The following FHIP1A variants were observed in gnomAD, a reference collection of about 807,000 sequenced individuals.
The protein encoded by FHIP1A is FHF complex subunit HOOK-interacting protein 1A.
Under a neutral mutation model 88.6 loss-of-function variants are expected in FHIP1A, and 61 were observed. The ratio of observed to expected loss-of-function variants is 0.69; its 90% CI spans 0.56 to 0.85. The LOEUF (loss-of-function observed/expected upper bound fraction) is 0.85, where lower values mean the gene tolerates loss of function less well. Ranked by LOEUF, FHIP1A falls within the 40% of genes least tolerant of loss-of-function variation. The probability of loss-of-function intolerance (pLI) is 0.00; values close to 1 mark genes in which losing one functional copy is unlikely to be tolerated. For synonymous variants in FHIP1A, 478 were observed against 496.0 expected, an observed-to-expected ratio of 0.96 and a Z score of 0.48; for missense variants, 1,154 against 1,273.5, an observed-to-expected ratio of 0.91 and a Z score of 1.43.
At chr4:151,494,038 C>G (rs1730376943) in intron 3 of FHIP1A, among the ~76,000 whole-genome samples, 1 of 152,184 alleles carries the variant, frequency 6.6e-6, no homozygotes, top group South Asian at 2.1e-4. Context: ...CAAATTGTCC[C>G]TGTTTACTGA....
At chr4:151,415,549 C>T (rs1732859880) in intron 1 of FHIP1A, among the ~76,000 whole-genome samples, 2 of 152,190 alleles carry the variant, frequency 1.3e-5, no homozygotes, top group Admixed American at 1.3e-4. Flanking sequence ...ATATTAAGAA[C>T]AGTGCTTCAG....
intron 9 of FHIP1A, among the ~76,000 whole-genome samples, chr4:151,644,690 T>G (rs1736721212): frequency 6.6e-6 from 1 of 152,082 alleles, no homozygotes; most frequent in Non-Finnish European, 1.5e-5. Context: ...TGAACAAATC[T>G]CCCACCACGG....
At chr4:151,562,350 A>C (rs912755203) in intron 3 of FHIP1A, among the ~76,000 whole-genome samples, 8 of 152,122 alleles carry the variant, frequency 5.3e-5, no homozygotes, top group African/African-American at 1.9e-4. Context: ...TTGGAAACTC[A>C]CTGTGAAAGA....
chr4:151,493,204 T>C (rs1317253592), intron 3 of FHIP1A, among the ~76,000 whole-genome samples: 1 of 152,154 alleles, frequency 6.6e-6, no homozygotes, highest in Non-Finnish European at 1.5e-5. Flanking sequence ...AACACCTTTA[T>C]GGCTACAGAC....
chr4:151,566,999 T>C (rs1311324704), intron 4 of FHIP1A, among the ~76,000 whole-genome samples: 2 of 152,248 alleles, frequency 1.3e-5, no homozygotes, highest in East Asian at 3.9e-4. Context: ...GGGCTGGTGG[T>C]CCCTGTGTAA....
At chr4:151,547,056 G>C (rs1311423380) in intron 3 of FHIP1A, among the ~76,000 whole-genome samples, 2 of 152,150 alleles carry the variant, frequency 1.3e-5, no homozygotes, top group Non-Finnish European at 2.9e-5. Context: ...ATTCTGATTA[G>C]AGTGGATTAC....
chr4:151,629,867 C>G lies in FHIP1A; in HGVS notation c.1144C>G (p.Arg382Gly). The G allele has an allele frequency of 6.4e-7, 1 of 1,550,568 alleles. No individual in the cohort carries two copies. The highest frequency in any genetic ancestry group is 8.7e-7 in the Non-Finnish European group (1 of 1,146,276). ...CACGAGTCGAATCAACACCCCGTTT[C>G]GGGTAAGGAGAGCGCCAGAGGAAGG... ...TLTSRINTPF[R>G]LCVVSLALFR... Residue 382 changes from arginine (R) to glycine (G), a missense_variant and splice_region_variant, in exon 8 of 14, where the codon CGG (arginine) becomes GGG (glycine). By Grantham distance (125) the Arg-to-Gly change is moderately radical (BLOSUM62 -2). Coordinates refer to ENST00000435205, the MANE Select transcript of FHIP1A (RefSeq NM_001109977.3).
intron 1 of FHIP1A, among the ~76,000 whole-genome samples, chr4:151,453,009 A>G (rs898925680): frequency 2.0e-5 from 3 of 151,254 alleles, no homozygotes; most frequent in African/African-American, 7.3e-5. Context: ...AATTAGGCCT[A>G]TACTGGACAT....
intron 6 of FHIP1A, 48 bp downstream of exon 6, chr4:151,586,847 C>CAG: frequency 7.8e-7 from 1 of 1,274,254 alleles, no homozygotes; most frequent in Non-Finnish European, 1.0e-6. Flanking sequence ...TCATTCAGAG[C>CAG]ACAAGCACTG....
At chr4:151,505,428 A>G (rs2126669531) in intron 3 of FHIP1A, among the ~76,000 whole-genome samples, 1 of 152,300 alleles carries the variant, frequency 6.6e-6, no homozygotes, top group Non-Finnish European at 1.5e-5. Context: ...CATTCAGGAC[A>G]CCCATAATCA....
At chr4:151,496,196 C>T (rs1225231619) in intron 3 of FHIP1A, among the ~76,000 whole-genome samples, 4 of 150,860 alleles carry the variant, frequency 2.7e-5, no homozygotes, top group African/African-American at 7.3e-5. Context: ...ATTTAGATCT[C>T]ACCTAATGGA....
intron 13 of FHIP1A, among the ~76,000 whole-genome samples, chr4:151,657,119 A>G (rs946973162): frequency 6.6e-6 from 1 of 152,168 alleles, no homozygotes; most frequent in African/African-American, 2.4e-5. Flanking sequence ...TGGAGGGTCT[A>G]GAGGGGATTT....
At chr4:151,546,546 G>A (rs1443566339) in intron 3 of FHIP1A, among the ~76,000 whole-genome samples, 1 of 152,234 alleles carries the variant, frequency 6.6e-6, no homozygotes. Flanking sequence ...ATATAGCAGT[G>A]AACAAAATGT....
intron 2 of FHIP1A, among the ~76,000 whole-genome samples, chr4:151,458,317 T>C (rs909401051): frequency 6.6e-6 from 1 of 152,152 alleles, no homozygotes; most frequent in Admixed American, 6.6e-5. Context: ...TTTTGTGGCC[T>C]TGGGGGAAGA....
chr4:151,650,417 T>G lies in FHIP1A; in HGVS notation c.2376T>G (p.Ser792Arg), dbSNP rs1332117083. ...AGGAGGAAGAAGGGAAGGAAGAGAG[T>G]AAAGGAGAAAAGGAGAAGGAGGGGA... ...LTKEEEGKEE[S>R]KGEKEKEGKK... The change falls in exon 11 of 14, where the codon AGT becomes AGG. Residue 792 changes from serine to arginine, a missense_variant. Physicochemically the swap from Ser to Arg is moderately radical, Grantham distance 110 (BLOSUM62 -1). Transcript: ENST00000435205. 3 of 1,550,986 alleles carry G rather than the reference T, an allele frequency of 1.9e-6. No individual in the cohort carries two copies. Among genetic ancestry groups the G allele is most frequent in the Non-Finnish European group, 1.7e-6 (2 of 1,146,802 alleles).
chr4:151,649,962 G>T lies in FHIP1A; in HGVS notation c.1921G>T (p.Asp641Tyr). ...CATAGAAGAGTCGGACTTTCAGGAT[G>T]ATGTGATGGTGTACAGGCTGTGTGC... ...SYIEESDFQD[D>Y]VMVYRLCAEK... The change falls in exon 11 of 14, where the codon GAT (aspartate) becomes TAT (tyrosine). Residue 641 changes from aspartate (D) to tyrosine (Y), a missense_variant. Coordinates refer to ENST00000435205, the MANE Select transcript of FHIP1A (RefSeq NM_001109977.3). 1.3e-6 allele frequency: 2 copies of T among 1,551,624 alleles called. No homozygotes were observed. Among genetic ancestry groups the T allele is most frequent in the Non-Finnish European group, 1.7e-6 (2 of 1,146,966 alleles).
At chr4:151,541,765 G>C (rs1017361177) in intron 3 of FHIP1A, among the ~76,000 whole-genome samples, 1 of 152,118 alleles carries the variant, frequency 6.6e-6, no homozygotes, top group Non-Finnish European at 1.5e-5. Flanking sequence ...GGGCTCTGTC[G>C]GTAGTAGCCA....
chr4:151,552,439 A>G (rs1314171874), intron 3 of FHIP1A, among the ~76,000 whole-genome samples: 1 of 152,200 alleles, frequency 6.6e-6, no homozygotes, highest in African/African-American at 2.4e-5. Flanking sequence ...ATGTCCATCA[A>G]TGATAGACTG....
Position 151,650,091 on chromosome 4 carries a change from C to T in FHIP1A, c.2050C>T (p.Leu684Phe), listed in dbSNP as rs998557506. 3 of 1,551,576 alleles carry T rather than the reference C, an allele frequency of 1.9e-6. No homozygotes were observed. In the Admixed American group the frequency reaches 5.9e-5, roughly 30 times the overall value. Residue 684 changes from leucine (L) to phenylalanine (F), a missense_variant, in exon 11 of 14, where the codon CTC (leucine) becomes TTC (phenylalanine). By Grantham distance (22) the Leu-to-Phe change is conservative. Coordinates refer to ENST00000435205, the MANE Select transcript of FHIP1A (RefSeq NM_001109977.3). ...VQSVPINNGP[L>F]LSTQPETDSE... The stretch of plus-strand genomic sequence containing the variant: ...GAGTGTCCCCATCAACAACGGCCCC[C>T]TCCTCAGCACCCAGCCAGAGACAGA...
Sources: allele counts gnomAD v4.1 joint callset (sites outside exome capture counted in the v4.1 genomes callset), GRCh38; gene constraint gnomAD v4.1.1; transcripts MANE v1.5; gene names NCBI Gene and HGNC (gene_info 2026-07-23, HGNC 2026-07-21).